Variants in PLEKHG1 observed in about 807,000 individuals in gnomAD.
The protein encoded by PLEKHG1 is pleckstrin homology and RhoGEF domain containing G1, also known as pleckstrin homology domain-containing family G member 1.
A neutral mutation model predicts 100.8 loss-of-function variants in PLEKHG1; 44 were observed. The ratio of observed to expected loss-of-function variants is 0.44; its 90% CI spans 0.34 to 0.56. PLEKHG1 has a LOEUF of 0.56. Ranked by LOEUF, PLEKHG1 falls within the 20% of genes least tolerant of loss-of-function variation. PLEKHG1 has a pLI of 0.01. For missense variants in PLEKHG1, 1,545 were observed against 1,720.9 expected, an observed-to-expected ratio of 0.90 and a Z score of 1.81; for synonymous variants, 640 against 662.5, an observed-to-expected ratio of 0.97 and a Z score of 0.52.
intron 4 of PLEKHG1, 136 bp downstream of exon 5, chr6:150,786,595 A>G: frequency 1.6e-6 from 1 of 623,062 alleles, no homozygotes; most frequent in Non-Finnish European, 2.9e-6. Flanking sequence ...TCTTTGTTTG[A>G]GTAGCAAAAA....
exon 7 of PLEKHG1, chr6:150,804,672 C>A: frequency 6.2e-7 from 1 of 1,613,178 alleles, no homozygotes; most frequent in Non-Finnish European, 8.5e-7. Flanking sequence ...ATGCTATAGA[C>A]ACAATGCAGC....
rs6941840 is a variant in PLEKHG1, at chr6:150,721,799, C to T, written c.-99+599C>T. Among the ~76,000 whole-genome samples the T allele has an allele frequency of 7.7e-3, 1,168 of 151,982 alleles. 11 individuals carry two copies. Among genetic ancestry groups the T allele is most frequent in the African/African-American group, 0.027 (1,112 of 41,450 alleles). ...AGGAGGCGTGGATTGTATTCAATGC[C>T]GTTGTCCATTGGAATCTGATTTCAT... On this transcript the variant is annotated intron_variant, in intron 1 of 15. Coordinates refer to ENST00000358517, the Ensembl canonical transcript of PLEKHG1.
chr6:150,692,284 G>GT (rs1304723096), intron 3 of PLEKHG1, among the ~76,000 whole-genome samples: 11 of 152,120 alleles, frequency 7.2e-5, no homozygotes, highest in African/African-American at 2.4e-4. Context: ...ATAATTTACT[G>GT]TATCTGTCAC....
At chr6:150,699,672 C>T (rs1780688341) in intron 3 of PLEKHG1, among the ~76,000 whole-genome samples, 1 of 152,156 alleles carries the variant, frequency 6.6e-6, no homozygotes, top group Admixed American at 6.5e-5. Flanking sequence ...ACTTAAGCCT[C>T]AGAACACCCC....
At position 150,685,502 on chromosome 6, in the gene PLEKHG1, C is replaced by T. The variant is rs532906731; in HGVS notation, c.-99+34716C>T. Among the ~76,000 whole-genome samples, 197 of 152,242 alleles carry T rather than the reference C, an allele frequency of 1.3e-3. 1 individual carries two copies. The highest frequency in any genetic ancestry group is 4.5e-3 in the African/African-American group (186 of 41,540). ...ACATGTGTCTCTCATCAAGGGCTGC[C>T]CCTCTGAGATGGTGCTGCAGGAATC... On this transcript the variant is annotated intron_variant, in intron 3 of 3. Coordinates refer to the PLEKHG1 transcript ENST00000367326.
chr6:150,660,273 C>T (rs966396841), intron 3 of PLEKHG1, among the ~76,000 whole-genome samples: 1 of 152,178 alleles, frequency 6.6e-6, no homozygotes, highest in Non-Finnish European at 1.5e-5. Flanking sequence ...TAATTTTACT[C>T]TCCAATATGT....
At chr6:150,800,446 C>T (rs1373483266) in intron 5 of PLEKHG1, among the ~76,000 whole-genome samples, 1 of 152,186 alleles carries the variant, frequency 6.6e-6, no homozygotes, top group African/African-American at 2.4e-5. Context: ...AAGCCATGGG[C>T]CCTGGCACAA....
intron 2 of PLEKHG1, among the ~76,000 whole-genome samples, chr6:150,737,354 C>T (rs1782620305): frequency 6.8e-6 from 1 of 146,826 alleles, no homozygotes; most frequent in African/African-American, 2.6e-5. Flanking sequence ...TGCAGTGGCG[C>T]AATCTCGGCT....
At chr6:150,716,362 C>T (rs1197582603), upstream of PLEKHG1, among the ~76,000 whole-genome samples, 1 of 152,168 alleles carries the variant, frequency 6.6e-6, no homozygotes, top group East Asian at 1.9e-4. Context: ...TTTTCAAATA[C>T]CCCTTCTCAC....
chr6:150,703,105 G>A (rs1472613577), intron 3 of PLEKHG1, among the ~76,000 whole-genome samples: 1 of 152,146 alleles, frequency 6.6e-6, no homozygotes, highest in Non-Finnish European at 1.5e-5. Context: ...AGAGATACAA[G>A]CTGTCAGGGA....
intron 3 of PLEKHG1, among the ~76,000 whole-genome samples, chr6:150,697,198 G>T (rs2128596494): frequency 6.6e-6 from 1 of 152,272 alleles, no homozygotes; most frequent in South Asian, 2.1e-4. Flanking sequence ...TATATGTGAT[G>T]ATTTGATTCT....
At chr6:150,678,606 A>G (rs1779837842) in intron 3 of PLEKHG1, among the ~76,000 whole-genome samples, 1 of 152,338 alleles carries the variant, frequency 6.6e-6, no homozygotes, top group South Asian at 2.1e-4. Context: ...GCACCTTGTA[A>G]TTAATCCACA....
chr6:150,609,596 T>C (rs1776739213), intron 1 of PLEKHG1, among the ~76,000 whole-genome samples: 1 of 152,048 alleles, frequency 6.6e-6, no homozygotes, highest in African/African-American at 2.4e-5. Context: ...TCAAAGACCT[T>C]TGCCACAGCT....
intron 2 of PLEKHG1, among the ~76,000 whole-genome samples, chr6:150,761,020 CATTTATA>C (rs1466324179): frequency 6.7e-6 from 1 of 150,262 alleles, no homozygotes; most frequent in African/African-American, 2.4e-5. Flanking sequence ...GGTTTCAGTA[CATTTATA>C]CACATCCACA....
intron 1 of PLEKHG1, chr6:150,721,229 A>G (rs953583822): frequency 1.1e-6 from 1 of 951,696 alleles, no homozygotes. Flanking sequence ...GTCCCCAAAG[A>G]AAGGATGCAG....
At chr6:150,777,369 CATT>C (rs1171337523) in intron 3 of PLEKHG1, among the ~76,000 whole-genome samples, 5 of 149,850 alleles carry the variant, frequency 3.3e-5, no homozygotes, top group Admixed American at 3.3e-4. Context: ...TGCGGTTGCA[CATT>C]ACACTGATGC....
At chr6:150,833,699 C>T (rs1292512518) in intron 15 of PLEKHG1, among the ~76,000 whole-genome samples, 1 of 152,180 alleles carries the variant, frequency 6.6e-6, no homozygotes, top group Middle Eastern at 3.2e-3. Flanking sequence ...CAGGAATATG[C>T]CTTTCAAATA....
At chr6:150,818,292 C>A in intron 11 of PLEKHG1, 76 bp downstream of exon 12, 3 of 1,090,880 alleles carry the variant, frequency 2.8e-6, no homozygotes, top group Non-Finnish European at 4.2e-6. Context: ...TCTTAAAGTT[C>A]ATGAAAATGT....
rs141372436 is a variant in PLEKHG1, at chr6:150,821,860, A to G, written c.1447+627A>G. On this transcript the variant is annotated intron_variant, in intron 13 of 15. Transcript: ENST00000358517. ...TTTTTTTTTATTTTTTTATTTTTTG[A>G]GACAGAGTCTTGCTCTTGTTGCCCA... Among the ~76,000 whole-genome samples the G allele has an allele frequency of 4.6e-3, 686 of 150,672 alleles. 4 individuals carry two copies. The highest frequency in any genetic ancestry group is 0.018 in the East Asian group (92 of 5,144).
Sources: allele counts gnomAD v4.1 joint callset (sites outside exome capture counted in the v4.1 genomes callset), GRCh38; gene constraint gnomAD v4.1.1; transcripts MANE v1.5; gene names NCBI Gene and HGNC (gene_info 2026-07-23, HGNC 2026-07-21).